The following DLG2 variants were observed in gnomAD, a reference collection of about 807,000 sequenced individuals.
DLG2 encodes disks large homolog 2.
Under a neutral mutation model 132.5 loss-of-function variants are expected in DLG2, and 45 were observed. That is an observed-to-expected ratio of 0.34 (90% CI 0.27 to 0.44). The LOEUF is 0.44. Among genes scored for constraint, DLG2 ranks in the 20% least tolerant of loss-of-function variants. DLG2 has a pLI of 1.00. For synonymous variants in DLG2, 424 were observed against 419.6 expected, an observed-to-expected ratio of 1.01 and a Z score of -0.13; for missense variants, 1,045 against 1,196.9, an observed-to-expected ratio of 0.87 and a Z score of 1.87.
chr11:83,523,183 T>C (rs958602703), intron 21 of DLG2, among the ~76,000 whole-genome samples: 1 of 152,218 alleles, frequency 6.6e-6, no homozygotes, highest in African/African-American at 2.4e-5. Flanking sequence ...GGAAGTCCTA[T>C]AGTGAATCAG....
chr11:85,560,302 T>C (rs751070748), intron 3 of DLG2, among the ~76,000 whole-genome samples: 2 of 151,850 alleles, frequency 1.3e-5, no homozygotes, highest in Non-Finnish European at 2.9e-5. Context: ...AGCAACAGTT[T>C]ATATATTTAA....
At chr11:83,711,762 G>A (rs1378269961) in intron 18 of DLG2, among the ~76,000 whole-genome samples, 5 of 152,140 alleles carry the variant, frequency 3.3e-5, no homozygotes, top group African/African-American at 9.7e-5. Context: ...AGGAAGCCTT[G>A]CTAATCAAAG....
chr11:84,164,655 T>C (rs2095621310), intron 8 of DLG2, among the ~76,000 whole-genome samples: 2 of 152,248 alleles, frequency 1.3e-5, no homozygotes, highest in African/African-American at 4.8e-5. Context: ...TTTATAAACA[T>C]AGATATTTGT....
At chr11:83,553,830 T>C (rs550544485) in intron 19 of DLG2, among the ~76,000 whole-genome samples, 1 of 152,244 alleles carries the variant, frequency 6.6e-6, no homozygotes, top group East Asian at 1.9e-4. Context: ...GTTTATACTT[T>C]TAGTATTTAT....
intron 17 of DLG2, among the ~76,000 whole-genome samples, chr11:83,806,546 G>A (rs1474404576): frequency 1.3e-5 from 2 of 152,118 alleles, no homozygotes; most frequent in Admixed American, 1.3e-4. Context: ...AACACACGAT[G>A]TTCTGTGATT....
intron 6 of DLG2, among the ~76,000 whole-genome samples, chr11:85,108,554 T>A (rs77153657): frequency 1.1e-4 from 2 of 18,570 alleles, no homozygotes; most frequent in South Asian, 1.9e-3. Flanking sequence ...AACCGCCCAT[T>A]TTTTTTATTC....
intron 6 of DLG2, among the ~76,000 whole-genome samples, chr11:84,912,989 G>A (rs914913417): frequency 5.3e-5 from 8 of 152,232 alleles, no homozygotes; most frequent in South Asian, 4.1e-4. Context: ...AATGTTTCCC[G>A]GGGCAACACA....
intron 6 of DLG2, among the ~76,000 whole-genome samples, chr11:84,743,209 A>G (rs1168701656): frequency 6.6e-6 from 1 of 152,134 alleles, no homozygotes; most frequent in African/African-American, 2.4e-5. Flanking sequence ...GTACATTGAC[A>G]TTGGTGTAAA....
intron 6 of DLG2, among the ~76,000 whole-genome samples, chr11:85,057,247 T>G (rs1229174089): frequency 6.6e-6 from 1 of 151,632 alleles, no homozygotes; most frequent in Non-Finnish European, 1.5e-5. Flanking sequence ...TATATAAATG[T>G]AAAATTGGAA....
At chr11:84,844,949 T>C (rs375202481) in intron 6 of DLG2, among the ~76,000 whole-genome samples, 1 of 152,178 alleles carries the variant, frequency 6.6e-6, no homozygotes, top group Non-Finnish European at 1.5e-5. Context: ...CCAGTGAATA[T>C]GCATATTAAC....
intron 7 of DLG2, among the ~76,000 whole-genome samples, chr11:84,292,316 C>G (rs551650038): frequency 6.6e-6 from 1 of 152,060 alleles, no homozygotes; most frequent in Non-Finnish European, 1.5e-5. Flanking sequence ...ATTCTCTGGA[C>G]CTCTTTCCCC....
At chr11:85,469,564 G>A (rs2092917006) in intron 3 of DLG2, 1 of 152,162 alleles carries the variant, frequency 6.6e-6, no homozygotes, top group African/African-American at 2.4e-5. Flanking sequence ...ATTATGTCAT[G>A]GCCAAAATTG....
intron 6 of DLG2, among the ~76,000 whole-genome samples, chr11:84,756,536 T>TGTATAC (rs2066896715): frequency 6.6e-6 from 1 of 152,202 alleles, no homozygotes; most frequent in East Asian, 1.9e-4. Context: ...GGTAAATTGC[T>TGTATAC]TAAAATTTCC....
At chr11:85,478,733 T>A (rs2093212327) in intron 3 of DLG2, among the ~76,000 whole-genome samples, 1 of 152,222 alleles carries the variant, frequency 6.6e-6, no homozygotes, top group African/African-American at 2.4e-5. Flanking sequence ...GTTCTACCTC[T>A]CTCTTTTAGG....
chr11:83,484,110 T>A lies in DLG2; in HGVS notation c.2293+19A>T. On this transcript the variant is annotated intron_variant, in intron 22 of 27. Coordinates refer to ENST00000376104, the MANE Select transcript of DLG2 (RefSeq NM_001142699.3). ...TTCTCTTATGTTGCATGTGACATTA[T>A]CTTTCAGAATCTACTTACGTTCAGG... The A allele has an allele frequency of 6.3e-7, 1 of 1,599,504 alleles. No individual in the cohort carries two copies. The highest frequency in any genetic ancestry group is 8.6e-7 in the Non-Finnish European group (1 of 1,167,198).
chr11:84,229,227 T>G (rs1032849111), intron 8 of DLG2, among the ~76,000 whole-genome samples: 1 of 152,210 alleles, frequency 6.6e-6, no homozygotes, highest in Non-Finnish European at 1.5e-5. Context: ...GGTATCCCTG[T>G]AATAAAAAAG....
intron 6 of DLG2, among the ~76,000 whole-genome samples, chr11:84,678,041 T>C (rs1281408875): frequency 6.6e-6 from 1 of 151,888 alleles, no homozygotes; most frequent in African/African-American, 2.4e-5. Context: ...AATTAATGAG[T>C]TTCAAAAGCT....
intron 16 of DLG2, among the ~76,000 whole-genome samples, chr11:83,855,362 AC>A (rs1451305802): frequency 8.5e-5 from 13 of 152,234 alleles, no homozygotes; most frequent in African/African-American, 2.9e-4. Flanking sequence ...AAAAACCTGC[AC>A]CTGCATGTGA....
intron 19 of DLG2, among the ~76,000 whole-genome samples, chr11:83,594,888 A>G (rs2153346632): frequency 6.6e-6 from 1 of 152,348 alleles, no homozygotes; most frequent in Non-Finnish European, 1.5e-5. Flanking sequence ...CTTAGGCTCC[A>G]TACAGCTGAG....
Sources: gnomAD v4.1 joint callset for allele counts (sites outside exome capture counted in the v4.1 genomes callset) on GRCh38, gnomAD v4.1.1 for gene constraint, MANE v1.5 for transcripts, NCBI Gene and HGNC (gene_info 2026-07-23, HGNC 2026-07-21) for gene names.